RGS11: variants seen among roughly 807,000 people sequenced by gnomAD.
RGS11 encodes regulator of G protein signaling 11, also known as regulator of G-protein signaling 11.
Under a neutral mutation model 71.1 loss-of-function variants are expected in RGS11, and 86 were observed. That is an observed-to-expected ratio of 1.21 (90% CI 1.02 to 1.45). The LOEUF is 1.45. Ranked by LOEUF, RGS11 falls within the 40% of genes most tolerant of loss-of-function variation. The pLI, the probability that RGS11 is intolerant of heterozygous loss-of-function variation, is 0.00. For missense variants in RGS11, 734 were observed against 635.1 expected (o/e 1.16, Z -1.67); for synonymous variants, 298 against 254.2 (o/e 1.17, Z -1.64).
chr16:269,466 C>T (rs776155848), intron 16 of RGS11, 37 bp downstream of exon 16: 11 of 1,606,434 alleles, frequency 6.8e-6, no homozygotes, highest in Non-Finnish European at 9.4e-6. Flanking sequence ...AGCCCCCAGG[C>T]CACAGCCGCC....
intron 3 of RGS11, 61 bp from the exon 4 acceptor site, chr16:275,143 G>C: frequency 6.6e-7 from 1 of 1,517,286 alleles, no homozygotes; most frequent in Non-Finnish European, 8.8e-7. Context: ...GGGACGAGCC[G>C]GGCCTCCTCT....
chr16:273,059 C>G, intron 8 of RGS11, 128 bp from the exon 9 acceptor site: 2 of 887,634 alleles, frequency 2.3e-6, no homozygotes, highest in Non-Finnish European at 3.3e-6. Context: ...GAGTCCCGAC[C>G]TAGCCGTCAG....
rs550736415 is a variant in RGS11, at chr16:274,515, C to G, written c.319-250G>C. On this transcript the variant is annotated intron_variant, in intron 4 of 16. Coordinates refer to ENST00000397770, the MANE Select transcript of RGS11 (RefSeq NM_183337.3). ...TCACTGGTCACCCTAAGCCCCCATT[C>G]AAGGCGGGGTGGGGCTGGGGGCCTG... The G allele has an allele frequency of 5.0e-6, 3 of 600,964 alleles. No homozygotes were observed. The East Asian group carries it at 8.4e-5, about 17-fold the overall frequency. The allele number at this position is 600,964 out of a possible 1,614,324, so 37.2% of individuals were successfully genotyped here.
chr16:274,657 AG>A (rs2052084489), intron 4 of RGS11: 1 of 655,698 alleles, frequency 1.5e-6, no homozygotes, highest in Non-Finnish European at 2.8e-6. Context: ...AGGCCTTCAC[AG>A]CCCCTCCCTC....
At chr16:273,067 C>T (rs2052007883) in intron 8 of RGS11, 136 bp from the exon 9 acceptor site, 1 of 818,990 alleles carries the variant, frequency 1.2e-6, no homozygotes, top group African/African-American at 1.7e-5. Context: ...ACCTAGCCGT[C>T]AGCTGTCTCT....
rs894842198 is a variant in RGS11 at position 268,842 on chromosome 16, C to T, written c.*427G>A. 21 of 1,550,290 alleles carry T rather than the reference C, an allele frequency of 1.4e-5. No homozygotes were observed. The highest frequency in any genetic ancestry group is 1.6e-5 in the Non-Finnish European group (18 of 1,146,970). On this transcript the variant is annotated 3_prime_UTR_variant, in exon 17 of 17. Transcript: ENST00000397770. Reference sequence around the variant, plus strand: ...GAGCTCGCGCCGAGACCTGCATGTCCGCGTCTTGTGACGGGTGTGTGGGAA... The same window carrying T: ...GAGCTCGCGCCGAGACCTGCATGTCTGCGTCTTGTGACGGGTGTGTGGGAA...
Position 271,327 on chromosome 16 carries a change from T to C in RGS11, c.750-12A>G, listed in dbSNP as rs370483698. The C allele has an allele frequency of 8.1e-6, 13 of 1,612,054 alleles. No homozygotes were observed. The highest frequency in any genetic ancestry group is 2.7e-5 in the African/African-American group (2 of 74,720). ...AGAAACTCAGGTACCTGGAAGGGGG[T>C]ATGGGGGCTGGTGCAGGAGGGGCCT... is the stretch of plus-strand genomic sequence containing the variant. On this transcript the variant is annotated splice_polypyrimidine_tract_variant and intron_variant, in intron 11 of 16. Transcript: ENST00000397770.
chr16:275,124 G>C (rs993879369), intron 3 of RGS11, 42 bp from the exon 4 acceptor site: 3 of 1,490,430 alleles, frequency 2.0e-6, no homozygotes, highest in Non-Finnish European at 2.7e-6. Flanking sequence ...CGCGGAAGCG[G>C]GCGAGGGCGG....
intron 7 of RGS11, 40 bp from the exon 8 acceptor site, chr16:273,596 C>T (rs777740900): frequency 3.3e-5 from 50 of 1,531,890 alleles, no homozygotes; most frequent in Admixed American, 3.9e-5. Flanking sequence ...GCCCTGCACA[C>T]AGCAGCCCCT....
chr16:271,705 C>G, intron 9 of RGS11, 136 bp from the exon 10 acceptor site: 1 of 807,954 alleles, frequency 1.2e-6, no homozygotes, highest in Non-Finnish European at 2.0e-6. Context: ...GCCCCCAGTC[C>G]CGCCCCTTGG....
chr16:273,798 T>C lies in RGS11; in HGVS notation c.468A>G (p.Ala156=), dbSNP rs1294855164. The part of the protein sequence containing the change: ...YDRLHKKINH[A]WDLVLMQARE... ...TCGCCTGCATCAGCACCAGGTCCCA[T>C]GCGTGGTTGATCTTCTTGTGTAGCC... is the stretch of plus-strand genomic sequence containing the variant. The change falls in exon 7 of 17, where the codon GCA becomes GCG. Residue 156 remains alanine, a synonymous_variant. Coordinates refer to ENST00000397770, the MANE Select transcript of RGS11 (RefSeq NM_183337.3). 3 of 1,613,190 alleles carry C rather than the reference T, an allele frequency of 1.9e-6. No individual in the cohort carries two copies. The highest frequency in any genetic ancestry group is 2.5e-6 in the Non-Finnish European group (3 of 1,179,990).
intron 4 of RGS11, chr16:274,572 C>T (rs1308536565): frequency 6.7e-6 from 4 of 596,058 alleles, no homozygotes; most frequent in Non-Finnish European, 9.2e-6. Context: ...CAGTCTGTGC[C>T]TGGGGAGGGG....
rs1308581174 is a variant in RGS11 at position 268,550 on chromosome 16, C to T, written c.*719G>A. On this transcript the variant is annotated 3_prime_UTR_variant, in exon 17 of 17. Transcript: ENST00000397770. Reference sequence around the variant, plus strand: ...CTTGGGCAGGGAGGATCAGGGACGCCTGGCAAGGATCCACCCTATGGAATC... The same window carrying T: ...CTTGGGCAGGGAGGATCAGGGACGCTTGGCAAGGATCCACCCTATGGAATC... The T allele has an allele frequency of 1.7e-6, 1 of 586,520 alleles. No individual in the cohort carries two copies. Among genetic ancestry groups the T allele is most frequent in the Non-Finnish European group, 3.0e-6 (1 of 328,952 alleles). The allele number at this position is 586,520 out of a possible 1,614,324, so 36.3% of individuals were successfully genotyped here.
Position 268,328 on chromosome 16 carries a change from A to G in RGS11, c.*941T>C, listed in dbSNP as rs1280121379. Reference sequence around the variant, plus strand: ...AGGATGGGCTCAGAGCCAGGGCCCAAGGGTCTTTTATTTGTGTGCTGGACG... The same window carrying G: ...AGGATGGGCTCAGAGCCAGGGCCCAGGGGTCTTTTATTTGTGTGCTGGACG... On this transcript the variant is annotated 3_prime_UTR_variant, in exon 17 of 17. Coordinates refer to ENST00000397770, the MANE Select transcript of RGS11 (RefSeq NM_183337.3). 1.6e-5 allele frequency: 4 copies of G among 250,870 alleles called. No individual in the cohort carries two copies. Among genetic ancestry groups the G allele is most frequent in the African/African-American group, 2.2e-5 (1 of 45,486 alleles). The allele number at this position is 250,870 out of a possible 1,614,324, so 15.5% of individuals were successfully genotyped here. A position where few individuals can be genotyped will look rare whatever the true frequency, so the allele number is the denominator to read the frequency against.
intron 16 of RGS11, 53 bp downstream of exon 16, chr16:269,450 C>A (rs2051814781): frequency 3.1e-5 from 49 of 1,593,522 alleles, no homozygotes; most frequent in Non-Finnish European, 4.2e-5. Context: ...ACTGCAGGGC[C>A]CCAGCAGCCC....
rs374868859 is a variant in RGS11 at position 275,033 on chromosome 16, C to T, written c.261G>A (p.Pro87=). The stretch of plus-strand genomic sequence containing the variant: ...GCATGAGGCTACGGGGGTCGCGCAG[C>T]GGGTAGATGTAGCCATGCTGCACCA... ...AVLVQHGYIY[P]LRDPRSLMLR... The change falls in exon 4 of 17, where the codon CCG becomes CCA. Residue 87 remains proline (P), a synonymous_variant. Coordinates refer to ENST00000397770, the MANE Select transcript of RGS11 (RefSeq NM_183337.3). 81 of 1,504,458 alleles carry T rather than the reference C, an allele frequency of 5.4e-5. No homozygotes were observed. Among genetic ancestry groups the T allele is most frequent in the Non-Finnish European group, 6.9e-5 (77 of 1,123,640 alleles). The allele number at this position is 1,504,458 out of a possible 1,614,324, so 93.2% of individuals were successfully genotyped here.
chr16:271,669 T>C, intron 9 of RGS11, 100 bp from the exon 10 acceptor site: 1 of 1,176,166 alleles, frequency 8.5e-7, no homozygotes, highest in Non-Finnish European at 1.3e-6. Context: ...CCCTGCCCCA[T>C]AGATCTGGCA....
chr16:268,995 C>A lies in RGS11; in HGVS notation c.*274G>T. The A allele has an allele frequency of 6.7e-7, 1 of 1,487,106 alleles. No homozygotes were observed. Among genetic ancestry groups the A allele is most frequent in the Non-Finnish European group, 9.2e-7 (1 of 1,089,424 alleles). 92.1% of individuals were successfully genotyped at this position (1,487,106 alleles called of 1,614,324 possible). A position where few individuals can be genotyped will look rare whatever the true frequency, so the allele number is the denominator to read the frequency against. On this transcript the variant is annotated 3_prime_UTR_variant, in exon 17 of 17. Coordinates refer to ENST00000397770, the MANE Select transcript of RGS11 (RefSeq NM_183337.3). ...GGAGCTCCCTGTGGCCTTGGTCTCACCTCTCTTCAGGTAACAGGCTCTGCC... is the reference window on the plus strand; with the variant it reads ...GGAGCTCCCTGTGGCCTTGGTCTCAACTCTCTTCAGGTAACAGGCTCTGCC...
In RGS11 at chr16:272,612, C is replaced by T. The variant is rs543566065; in HGVS notation, c.657+251G>A. On this transcript the variant is annotated intron_variant, in intron 9 of 16. Transcript: ENST00000397770. The stretch of plus-strand genomic sequence containing the variant: ...TGGAGAAGAGCCCCCTTCCTCCCCG[C>T]CAGCCCCCTCGTCCCCACCACTCCA... The T allele has an allele frequency of 3.6e-5, 52 of 1,455,928 alleles. 1 individual carries two copies. In the South Asian group the frequency reaches 6.0e-4, roughly 17 times the overall value. The allele number at this position is 1,455,928 out of a possible 1,614,324, so 90.2% of individuals were successfully genotyped here. A position where few individuals can be genotyped will look rare whatever the true frequency, so the allele number is the denominator to read the frequency against.
Sources: allele counts gnomAD v4.1 joint callset, GRCh38; gene constraint gnomAD v4.1.1; transcripts MANE v1.5; gene names NCBI Gene and HGNC (gene_info 2026-07-23, HGNC 2026-07-21).